Variants in IGSF21 observed in about 807,000 individuals in gnomAD.
The protein encoded by IGSF21 is immunoglobin superfamily member 21.
In IGSF21, 28 loss-of-function variants were observed where a neutral mutation model predicts 46.8. The observed-to-expected ratio is 0.60, with a 90% CI of 0.44 to 0.82. IGSF21 has a LOEUF of 0.82. Ranked by LOEUF, IGSF21 falls within the 40% of genes least tolerant of loss-of-function variation. The probability of loss-of-function intolerance (pLI) is 0.00; values close to 1 mark genes in which losing one functional copy is unlikely to be tolerated. For synonymous variants in IGSF21, 284 were observed against 273.6 expected (o/e 1.04, Z -0.38); for missense variants, 624 against 665.5 (o/e 0.94, Z 0.69).
At chr1:18,288,490 C>G (rs1489571479) in intron 2 of IGSF21, among the ~76,000 whole-genome samples, 1 of 152,178 alleles carries the variant, frequency 6.6e-6, no homozygotes, top group Non-Finnish European at 1.5e-5. Context: ...ATTTCCTTCT[C>G]GGCCGTGAGG....
intron 1 of IGSF21, among the ~76,000 whole-genome samples, chr1:18,185,730 A>G (rs796998971): frequency 3.3e-5 from 5 of 152,308 alleles, no homozygotes; most frequent in African/African-American, 1.2e-4. Context: ...TTGGAAAAAC[A>G]GGGATGATAA....
chr1:18,353,056 A>T (rs575108741), intron 4 of IGSF21, among the ~76,000 whole-genome samples: 64 of 152,116 alleles, frequency 4.2e-4, no homozygotes, highest in African/African-American at 1.3e-3. Flanking sequence ...GCCACATAAA[A>T]GGGCCCATTG....
intron 1 of IGSF21, among the ~76,000 whole-genome samples, chr1:18,123,552 T>C (rs2086252307): frequency 6.6e-6 from 1 of 152,188 alleles, no homozygotes; most frequent in Non-Finnish European, 1.5e-5. Flanking sequence ...AAGGTTGACA[T>C]AGGTACCAAG....
At chr1:18,278,178 A>G (rs2085120995) in intron 2 of IGSF21, among the ~76,000 whole-genome samples, 1 of 151,726 alleles carries the variant, frequency 6.6e-6, no homozygotes, top group East Asian at 1.9e-4. Context: ...GGGTGGGGGG[A>G]GATATGATAA....
chr1:18,202,397 A>G (rs1249003408), intron 1 of IGSF21, among the ~76,000 whole-genome samples: 1 of 152,134 alleles, frequency 6.6e-6, no homozygotes, highest in Non-Finnish European at 1.5e-5. Flanking sequence ...TTTATGCCTA[A>G]ATCTGGGTGT....
At chr1:18,169,637 G>A (rs368110550) in intron 1 of IGSF21, among the ~76,000 whole-genome samples, 79 of 152,342 alleles carry the variant, frequency 5.2e-4, no homozygotes, top group African/African-American at 1.7e-3. Flanking sequence ...CCAGCCCAGG[G>A]TAGGGAGTTC....
intron 1 of IGSF21, among the ~76,000 whole-genome samples, chr1:18,225,079 T>TCACACACACA (rs1227248594): frequency 1.2e-4 from 4 of 33,350 alleles, no homozygotes; most frequent in African/African-American, 2.2e-4. Context: ...TCTCTCTCTC[T>TCACACACACA]CTCTCTCACA....
In IGSF21 at chr1:18,109,797, G is replaced by A. The variant is rs754632546; in HGVS notation, c.70+1599G>A. ...GGGAGGTCCTCGTTCCAGCGCCGCC[G>A]AGAGGGCACTGGGGTTTGTTGAAAG... On this transcript the variant is annotated intron_variant, in intron 1 of 9. Coordinates refer to ENST00000251296, the MANE Select transcript of IGSF21 (RefSeq NM_032880.5). The surrounding 1 kb of genome is among the most constrained non-coding windows in gnomAD (Gnocchi z 4.8). 6.6e-6 allele frequency: 1 copy of A among 152,292 alleles called. No homozygotes were observed. Among genetic ancestry groups the A allele is most frequent in the Non-Finnish European group, 1.5e-5 (1 of 68,168 alleles). The allele number at this position is 152,292 out of a possible 1,614,324, so 9.4% of individuals were successfully genotyped here. A position where few individuals can be genotyped will look rare whatever the true frequency, so the allele number is the denominator to read the frequency against.
intron 4 of IGSF21, among the ~76,000 whole-genome samples, chr1:18,353,604 A>G (rs2085983479): frequency 6.6e-6 from 1 of 152,124 alleles, no homozygotes; most frequent in African/African-American, 2.4e-5. Flanking sequence ...GCCCCAAACA[A>G]AAGAGAGCTT....
chr1:18,124,131 A>G (rs1377888242), intron 1 of IGSF21, among the ~76,000 whole-genome samples: 2 of 152,218 alleles, frequency 1.3e-5, no homozygotes, highest in Non-Finnish European at 2.9e-5. Context: ...CACTAGTTAT[A>G]AAGCAGCCCC....
intron 2 of IGSF21, among the ~76,000 whole-genome samples, chr1:18,263,989 T>C (rs2124539385): frequency 6.6e-6 from 1 of 152,358 alleles, no homozygotes; most frequent in Middle Eastern, 3.4e-3. Flanking sequence ...TTCTTTTCAA[T>C]CTTCCCTGGA....
At chr1:18,340,147 T>C (rs1010148851) in intron 4 of IGSF21, among the ~76,000 whole-genome samples, 8 of 152,130 alleles carry the variant, frequency 5.3e-5, no homozygotes, top group African/African-American at 1.7e-4. Context: ...ATTTAACATA[T>C]ATTTATTGAG....
At chr1:18,141,759 A>G (rs2086417104) in intron 1 of IGSF21, among the ~76,000 whole-genome samples, 1 of 152,190 alleles carries the variant, frequency 6.6e-6, no homozygotes, top group Admixed American at 6.5e-5. Context: ...ATGGACATAC[A>G]CTTTATACAA....
At chr1:18,235,144 C>G (rs867721653) in intron 2 of IGSF21, among the ~76,000 whole-genome samples, 19 of 152,198 alleles carry the variant, frequency 1.2e-4, no homozygotes, top group African/African-American at 4.3e-4. Flanking sequence ...AGGACTGGAG[C>G]CTCAGGGCAT....
chr1:18,210,533 G>A (rs561165070), intron 1 of IGSF21, among the ~76,000 whole-genome samples: 6 of 152,244 alleles, frequency 3.9e-5, no homozygotes, highest in Admixed American at 6.5e-5. Context: ...TTCGACGGCC[G>A]GTCCTGGTGT....
chr1:18,372,653 G>GATGGATGGATGGATGGATGGATGGATGT (rs1557666116), intron 6 of IGSF21, among the ~76,000 whole-genome samples: 47 of 150,694 alleles, frequency 3.1e-4, no homozygotes, highest in African/African-American at 1.1e-3. Flanking sequence ...TGGATGGATG[G>GATGGATGGATGGATGGATGGATGGATGT]ATGTTTGGAT....
intron 1 of IGSF21, among the ~76,000 whole-genome samples, chr1:18,185,705 C>G (rs1356216380): frequency 6.6e-6 from 1 of 152,204 alleles, no homozygotes; most frequent in Non-Finnish European, 1.5e-5. Flanking sequence ...CTCTCCGTGC[C>G]TCAGTTTCCC....
chr1:18,344,685 T>C (rs1016538303), intron 4 of IGSF21, among the ~76,000 whole-genome samples: 1 of 151,896 alleles, frequency 6.6e-6, no homozygotes, highest in Non-Finnish European at 1.5e-5. Context: ...AGGGGCAGGG[T>C]AGGTCAGTGG....
intron 4 of IGSF21, among the ~76,000 whole-genome samples, chr1:18,336,156 T>A (rs959634644): frequency 1.3e-5 from 2 of 152,204 alleles, no homozygotes; most frequent in Non-Finnish European, 2.9e-5. Context: ...GGACCCAAAC[T>A]TTTTATAGGA....
Sources: allele counts gnomAD v4.1 joint callset (sites outside exome capture counted in the v4.1 genomes callset), GRCh38; gene constraint gnomAD v4.1.1; non-coding constraint Gnocchi (gnomAD v3.1); transcripts MANE v1.5; gene names NCBI Gene and HGNC (gene_info 2026-07-23, HGNC 2026-07-21).